Variants in FLNB observed in about 807,000 individuals in gnomAD.
FLNB encodes the protein filamin-B.
FLNB carries 111 observed loss-of-function variants against 250.6 expected under a neutral mutation model. The observed-to-expected ratio is 0.44, with a 90% CI of 0.38 to 0.52. The LOEUF is 0.52. Ranked by LOEUF, FLNB falls within the 20% of genes least tolerant of loss-of-function variation. The pLI is 0.00. For missense variants in FLNB, 2,869 were observed against 3,447.8 expected (o/e 0.83, Z 4.20); for synonymous variants, 1,302 against 1,372.1 (o/e 0.95, Z 1.13).
intron 1 of FLNB, among the ~76,000 whole-genome samples, chr3:58,036,349 C>T (rs1291147104): frequency 3.9e-5 from 6 of 152,116 alleles, no homozygotes; most frequent in Admixed American, 1.3e-4. Flanking sequence ...ATCAGTCTCC[C>T]GAGCATTTGG....
chr3:58,128,694 T>G (rs2097301748), intron 24 of FLNB, among the ~76,000 whole-genome samples: 1 of 152,144 alleles, frequency 6.6e-6, no homozygotes, highest in Admixed American at 6.5e-5. Flanking sequence ...ACATCTCCTG[T>G]GGCAATGAAA....
intron 1 of FLNB, among the ~76,000 whole-genome samples, chr3:58,074,805 A>G (rs1045916927): frequency 1.3e-5 from 2 of 152,160 alleles, no homozygotes; most frequent in African/African-American, 4.8e-5. Context: ...ACAATTCATT[A>G]TAGAGAAAGT....
chr3:58,066,536 C>T (rs529431514), intron 1 of FLNB, among the ~76,000 whole-genome samples: 4 of 152,248 alleles, frequency 2.6e-5, no homozygotes, highest in South Asian at 2.1e-4. Flanking sequence ...TTCCCTTCTT[C>T]GACCTTTCTA....
At chr3:58,127,203 A>G (rs2107190023) in intron 24 of FLNB, among the ~76,000 whole-genome samples, 1 of 152,156 alleles carries the variant, frequency 6.6e-6, no homozygotes, top group South Asian at 2.1e-4. Context: ...CGTGCCTGTA[A>G]TCCTAGCTAT....
chr3:58,058,899 A>G (rs1270866281), intron 1 of FLNB, among the ~76,000 whole-genome samples: 5 of 152,228 alleles, frequency 3.3e-5, no homozygotes, highest in African/African-American at 1.2e-4. Flanking sequence ...ACTTGTTCAT[A>G]GAGGATCTGA....
intron 1 of FLNB, among the ~76,000 whole-genome samples, chr3:58,032,343 T>C (rs1054402635): frequency 6.6e-6 from 1 of 152,088 alleles, no homozygotes; most frequent in African/African-American, 2.4e-5. Context: ...CTTAGCAGGA[T>C]TTCTCTCCCC....
intron 20 of FLNB, among the ~76,000 whole-genome samples, chr3:58,121,955 G>A (rs1254149674): frequency 6.6e-6 from 1 of 150,706 alleles, no homozygotes; most frequent in Non-Finnish European, 1.5e-5. Context: ...GGATCATGAG[G>A]TCAGGAGATC....
intron 6 of FLNB, among the ~76,000 whole-genome samples, chr3:58,097,350 A>G (rs892396885): frequency 6.6e-6 from 1 of 152,212 alleles, no homozygotes; most frequent in Non-Finnish European, 1.5e-5. Context: ...TTCAGAGATG[A>G]GAACAGTGAC....
rs750354519 is a variant in FLNB, at chr3:58,102,266, G to A, written c.1409G>A (p.Arg470Gln). ...CTACAACCCAAAGGCGTCCGTATCC[G>A]GGAGACCACAGATTTCAAGGTTGAC... is the stretch of plus-strand genomic sequence containing the variant. ...RGLQPKGVRI[R>Q]ETTDFKVDTK... is the part of the protein sequence containing the mutation. The change falls in exon 9 of 46, where the codon CGG becomes CAG. Residue 470 changes from arginine (R) to glutamine (Q), a missense_variant. Transcript: ENST00000295956. The A allele has an allele frequency of 2.1e-5, 34 of 1,614,060 alleles. No homozygotes were observed. Among genetic ancestry groups the A allele is most frequent in the Admixed American group, 1.0e-4 (6 of 60,000 alleles).
intron 8 of FLNB, among the ~76,000 whole-genome samples, chr3:58,101,711 T>C (rs1451295239): frequency 6.6e-6 from 1 of 152,218 alleles, no homozygotes. Flanking sequence ...TTTTGCCTGG[T>C]TGTTCAGGCG....
intron 1 of FLNB, among the ~76,000 whole-genome samples, chr3:58,024,663 G>A (rs2097120301): frequency 6.8e-6 from 1 of 146,998 alleles, no homozygotes; most frequent in Non-Finnish European, 1.5e-5. Context: ...ACCATCATGA[G>A]TGGCATTTCT....
At chr3:58,112,467 C>A in intron 18 of FLNB, 149 bp downstream of exon 18, 1 of 758,328 alleles carries the variant, frequency 1.3e-6, no homozygotes, top group South Asian at 1.5e-5. Context: ...ACTTTGAACC[C>A]CTCTGGGAGC....
intron 1 of FLNB, among the ~76,000 whole-genome samples, chr3:58,041,769 C>G (rs552523223): frequency 6.6e-6 from 1 of 152,090 alleles, no homozygotes; most frequent in Non-Finnish European, 1.5e-5. Context: ...CCTTACAAAT[C>G]CTTCCTGGAA....
chr3:58,122,649 A>C (rs1034483561), intron 20 of FLNB, among the ~76,000 whole-genome samples: 1 of 152,178 alleles, frequency 6.6e-6, no homozygotes, highest in Admixed American at 6.5e-5. Flanking sequence ...ACTCTTTTTT[A>C]GAAACAGTTT....
chr3:58,106,991 T>C, intron 12 of FLNB, 118 bp downstream of exon 12: 1 of 788,602 alleles, frequency 1.3e-6, no homozygotes, highest in East Asian at 2.6e-5. Flanking sequence ...ATTTGGATTT[T>C]AGGAAGGAAA....
rs532119901 is a variant in FLNB, at chr3:58,047,784, G to A, written c.293-29262G>A. The stretch of plus-strand genomic sequence containing the variant: ...AGATGGGGTTGGCCAAGCTGGTCGT[G>A]AACTATTGACCTCAAGTGATCCTCC... On this transcript the variant is annotated intron_variant, in intron 1 of 45. Transcript: ENST00000295956. Among the ~76,000 whole-genome samples, 25 of 152,084 alleles carry A rather than the reference G, an allele frequency of 1.6e-4. 1 individual carries two copies. Among genetic ancestry groups the A allele is most frequent in the African/African-American group, 6.0e-4 (25 of 41,510 alleles).
At chr3:58,096,493 A>G (rs1423269668) in intron 6 of FLNB, among the ~76,000 whole-genome samples, 1 of 150,412 alleles carries the variant, frequency 6.6e-6, no homozygotes, top group African/African-American at 2.5e-5. Context: ...TGACTACACT[A>G]TAGATGGGTT....
At chr3:58,140,668 G>C (rs2097325337) in intron 29 of FLNB, among the ~76,000 whole-genome samples, 1 of 152,106 alleles carries the variant, frequency 6.6e-6, no homozygotes, top group South Asian at 2.1e-4. Context: ...GAGTACAGTG[G>C]TGCAATCTCA....
intron 28 of FLNB, 48 bp from the exon 29 acceptor site, chr3:58,138,234 A>C: frequency 6.2e-7 from 1 of 1,611,952 alleles, no homozygotes; most frequent in Non-Finnish European, 8.5e-7. Flanking sequence ...TTGGGCCTCC[A>C]GGATGTGTGT....
Sources: allele counts gnomAD v4.1 joint callset (sites outside exome capture counted in the v4.1 genomes callset), GRCh38; gene constraint gnomAD v4.1.1; transcripts MANE v1.5; gene names NCBI Gene and HGNC (gene_info 2026-07-23, HGNC 2026-07-21).